MAGI2: variants seen among roughly 807,000 people sequenced by gnomAD.
The protein encoded by MAGI2 is membrane-associated guanylate kinase, WW and PDZ domain-containing protein 2.
MAGI2 carries 35 observed loss-of-function variants against 133.3 expected under a neutral mutation model. The observed-to-expected ratio is 0.26, with a 90% confidence interval of 0.20 to 0.35. MAGI2 has a LOEUF of 0.35. MAGI2 is among the 10% of genes least tolerant of loss of function. The pLI is 1.00. For missense variants in MAGI2, 1,636 were observed against 1,863.4 expected (o/e 0.88, Z 2.25); for synonymous variants, 729 against 710.6 (o/e 1.03, Z -0.41).
chr7:78,356,244 A>G (rs1338250024), intron 7 of MAGI2, among the ~76,000 whole-genome samples: 1 of 152,206 alleles, frequency 6.6e-6, no homozygotes, highest in African/African-American at 2.4e-5. Flanking sequence ...GGTAGTCAAC[A>G]ATAACAAAAC....
chr7:78,457,392 A>C (rs758858601), intron 6 of MAGI2, among the ~76,000 whole-genome samples: 12 of 152,214 alleles, frequency 7.9e-5, no homozygotes, highest in Non-Finnish European at 1.5e-4. Context: ...TCCGGGCCTT[A>C]GGTTGGAAAC....
intron 1 of MAGI2, among the ~76,000 whole-genome samples, chr7:79,373,498 G>C (rs556473646): frequency 5.3e-5 from 8 of 151,840 alleles, no homozygotes; most frequent in African/African-American, 1.9e-4. Context: ...TTGTGTTAAA[G>C]TATGAGGAAT....
chr7:78,784,084 T>C (rs1826613563), intron 2 of MAGI2, among the ~76,000 whole-genome samples: 1 of 152,176 alleles, frequency 6.6e-6, no homozygotes, highest in Non-Finnish European at 1.5e-5. Flanking sequence ...TGTTATCTCA[T>C]CTGATCATTA....
chr7:79,309,861 T>TGGC (rs756088333), intron 1 of MAGI2, among the ~76,000 whole-genome samples: 1 of 150,882 alleles, frequency 6.6e-6, no homozygotes, highest in Non-Finnish European at 1.5e-5. Flanking sequence ...TCAGGCGCAG[T>TGGC]GGCTCACACC....
At chr7:78,609,042 C>T (rs1295453893) in intron 3 of MAGI2, among the ~76,000 whole-genome samples, 1 of 152,118 alleles carries the variant, frequency 6.6e-6, no homozygotes, top group Non-Finnish European at 1.5e-5. Context: ...AAGCATCTAG[C>T]ATGGGGGAAA....
chr7:78,460,490 G>A (rs758406865), intron 6 of MAGI2, among the ~76,000 whole-genome samples: 2 of 152,166 alleles, frequency 1.3e-5, no homozygotes, highest in African/African-American at 2.4e-5. Context: ...ACACATGTCA[G>A]AGATAGATGA....
At chr7:79,010,282 A>G (rs562851491) in intron 1 of MAGI2, among the ~76,000 whole-genome samples, 23 of 152,136 alleles carry the variant, frequency 1.5e-4, no homozygotes, top group African/African-American at 4.6e-4. Context: ...ATGTATGTAT[A>G]TATAATGTAT....
intron 15 of MAGI2, among the ~76,000 whole-genome samples, chr7:78,163,638 G>T (rs752074165): frequency 5.9e-5 from 9 of 151,978 alleles, no homozygotes; most frequent in Non-Finnish European, 1.2e-4. Flanking sequence ...TATTTCATTC[G>T]ATAATTGTTA....
chr7:78,309,831 C>A (rs1165435733), intron 9 of MAGI2, among the ~76,000 whole-genome samples: 1 of 139,336 alleles, frequency 7.2e-6, no homozygotes, highest in Non-Finnish European at 1.6e-5. Context: ...GAGGCTCAGA[C>A]CTTTCTTCTA....
chr7:79,286,469 C>T (rs1409458621), intron 1 of MAGI2, among the ~76,000 whole-genome samples: 2 of 151,926 alleles, frequency 1.3e-5, no homozygotes, highest in Non-Finnish European at 2.9e-5. Context: ...CTCCACCAAA[C>T]AATTCTTGCT....
intron 1 of MAGI2, among the ~76,000 whole-genome samples, chr7:79,224,801 C>T (rs1329446275): frequency 2.0e-5 from 3 of 152,078 alleles, no homozygotes; most frequent in Non-Finnish European, 4.4e-5. Context: ...CAGTGGTCAC[C>T]AGGAACTGAG....
chr7:78,678,579 T>C (rs180756047), intron 2 of MAGI2, among the ~76,000 whole-genome samples: 1 of 152,282 alleles, frequency 6.6e-6, no homozygotes, highest in East Asian at 1.9e-4. Flanking sequence ...ATTCCTTTAG[T>C]ATTTAGTGTT....
chr7:78,558,059 A>G (rs182272642), intron 3 of MAGI2, among the ~76,000 whole-genome samples: 29 of 152,106 alleles, frequency 1.9e-4, no homozygotes, highest in Admixed American at 1.6e-3. Context: ...TTCTATTCTC[A>G]TTTGATTTTC....
chr7:78,151,861 G>C (rs901952507), intron 16 of MAGI2, among the ~76,000 whole-genome samples: 1 of 152,108 alleles, frequency 6.6e-6, no homozygotes. Flanking sequence ...TTAGGACAGA[G>C]CACCAGTCAC....
intron 3 of MAGI2, among the ~76,000 whole-genome samples, chr7:78,560,133 G>C (rs1366199005): frequency 6.6e-6 from 1 of 152,032 alleles, no homozygotes; most frequent in African/African-American, 2.4e-5. Context: ...TTGAAGTTGA[G>C]AAAAAATTTA....
intron 1 of MAGI2, among the ~76,000 whole-genome samples, chr7:79,200,633 C>G (rs13235039): frequency 6.6e-6 from 1 of 151,158 alleles, no homozygotes; most frequent in African/African-American, 2.4e-5. Flanking sequence ...AAGTTTATAT[C>G]TATTGATATA....
Position 78,358,630 on chromosome 7 carries a change from T to C in MAGI2, c.1103+10526A>G, listed in dbSNP as rs61735197. On this transcript the variant is annotated intron_variant, in intron 7 of 21. Transcript: ENST00000354212. ...TGCCCTATGACAAGGTGGTTCCTGC[T>C]GCCCTTTAGGTTGTACGACTGAAGC... The C allele has an allele frequency of 1.0e-3, 180 of 178,304 alleles. 2 individuals carry two copies. In the South Asian group the frequency reaches 0.014, roughly 14 times the overall value. The allele number at this position is 178,304 out of a possible 1,614,324, so 11.0% of individuals were successfully genotyped here.
At chr7:79,115,459 G>T (rs1819308937) in intron 1 of MAGI2, among the ~76,000 whole-genome samples, 1 of 152,122 alleles carries the variant, frequency 6.6e-6, no homozygotes, top group Admixed American at 6.5e-5. Flanking sequence ...ATTGTTAGAA[G>T]ATATAGTTAT....
chr7:78,100,356 CT>C lies in MAGI2; in HGVS notation c.3568-21272del, dbSNP rs997304577. ...GTTCCACATCCTCCTTGGGCCACTT[CT>C]TTTTTTCTTTTTGAGACAGGAACTC... is the stretch of plus-strand genomic sequence containing the variant. On this transcript the variant is annotated intron_variant, in intron 20 of 21. Coordinates refer to ENST00000354212, the MANE Select transcript of MAGI2 (RefSeq NM_012301.4). 7.2e-5 allele frequency among the ~76,000 whole-genome samples: 11 copies of C among 152,198 alleles called. No homozygotes were observed. The South Asian group carries it at 1.5e-3, about 20-fold the overall frequency.
Sources: allele counts gnomAD v4.1 joint callset (sites outside exome capture counted in the v4.1 genomes callset), GRCh38; gene constraint gnomAD v4.1.1; transcripts MANE v1.5; gene names NCBI Gene and HGNC (gene_info 2026-07-23, HGNC 2026-07-21).